The following SLC16A1 variants were observed in gnomAD, a reference collection of about 807,000 sequenced individuals.
SLC16A1 encodes solute carrier family 16 member 1.
SLC16A1 carries 11 observed loss-of-function variants against 32.2 expected under a neutral mutation model. That is an observed-to-expected ratio of 0.34 (90% CI 0.21 to 0.56). The LOEUF (loss-of-function observed/expected upper bound fraction) is 0.56. Among genes scored for constraint, SLC16A1 ranks in the 20% least tolerant of loss-of-function variants. SLC16A1 has a pLI of 0.87. For missense variants in SLC16A1, 435 were observed against 615.0 expected, an observed-to-expected ratio of 0.71 and a Z score of 3.10; for synonymous variants, 231 against 226.8, an observed-to-expected ratio of 1.02 and a Z score of -0.17.
At position 112,913,872 on chromosome 1, in the gene SLC16A1, A is replaced by AC; in HGVS notation, c.*18dup. On this transcript the variant is annotated 3_prime_UTR_variant, in exon 5 of 5. Transcript: ENST00000369626. ...TCCTGGGTCATGAACTGCTCAATTT[A>AC]CCCTTCAGCCCCATGGATTCAGACT... 6.2e-7 allele frequency: 1 copy of AC among 1,614,040 alleles called. No homozygotes were observed. The highest frequency in any genetic ancestry group is 8.5e-7 in the Non-Finnish European group (1 of 1,179,932).
chr1:112,926,326 C>T (rs906313776), intron 2 of SLC16A1, among the ~76,000 whole-genome samples: 1 of 152,220 alleles, frequency 6.6e-6, no homozygotes, highest in Non-Finnish European at 1.5e-5. Context: ...CGCAGTGGCT[C>T]ACGCCTGTAA....
At chr1:112,921,394 T>C (rs563878244) in intron 3 of SLC16A1, among the ~76,000 whole-genome samples, 1 of 152,290 alleles carries the variant, frequency 6.6e-6, no homozygotes, top group Admixed American at 6.5e-5. Flanking sequence ...AATATATTCA[T>C]GTTCACAAAA....
At chr1:112,949,605 G>C (rs953788366) in intron 1 of SLC16A1, among the ~76,000 whole-genome samples, 1 of 152,172 alleles carries the variant, frequency 6.6e-6, no homozygotes, top group African/African-American at 2.4e-5. Context: ...TTAGGAGCAG[G>C]GGTCCTTAGA....
In SLC16A1 at chr1:112,917,096, C is replaced by G. The variant is rs1441703827; in HGVS notation, c.1228+82G>C. The G allele has an allele frequency of 3.8e-6, 6 of 1,561,828 alleles. No homozygotes were observed. Among genetic ancestry groups the G allele is most frequent in the East Asian group, 4.5e-5 (2 of 44,580 alleles). On this transcript the variant is annotated intron_variant, in intron 4 of 4. Coordinates refer to ENST00000369626, the MANE Select transcript of SLC16A1 (RefSeq NM_003051.4). The surrounding 1 kb of genome is among the most constrained non-coding windows in gnomAD (Gnocchi z 4.1). Reference sequence around the variant, plus strand: ...GATTTATTCTTACCCAAATAGCTCACTAATGTTTGCTTTCTGTCAGCATTC... The same window carrying G: ...GATTTATTCTTACCCAAATAGCTCAGTAATGTTTGCTTTCTGTCAGCATTC...
chr1:112,940,852 T>C (rs575933002), intron 1 of SLC16A1, among the ~76,000 whole-genome samples: 1 of 152,332 alleles, frequency 6.6e-6, no homozygotes, highest in South Asian at 2.1e-4. Flanking sequence ...AAAATAATAA[T>C]TCACTTTCCT....
chr1:112,953,533 C>G (rs943202977), intron 1 of SLC16A1, among the ~76,000 whole-genome samples: 6 of 152,200 alleles, frequency 3.9e-5, no homozygotes, highest in African/African-American at 1.4e-4. Flanking sequence ...TCCTTTATCC[C>G]TTAAAAATCC....
chr1:112,923,320 A>G, intron 2 of SLC16A1: 1 of 434,676 alleles, frequency 2.3e-6, no homozygotes. Context: ...AAAACAAACA[A>G]ACAGCAATCC....
At chr1:112,935,753 T>C (rs1214643143) in intron 1 of SLC16A1, 1 of 152,076 alleles carries the variant, frequency 6.6e-6, no homozygotes, top group Non-Finnish European at 1.5e-5. Flanking sequence ...ACTTAGAAAA[T>C]ACAGATGACT....
At chr1:112,934,669 G>A (rs1394114371) in intron 1 of SLC16A1, among the ~76,000 whole-genome samples, 3 of 151,940 alleles carry the variant, frequency 2.0e-5, no homozygotes, top group Non-Finnish European at 4.4e-5. Flanking sequence ...TTATCTAGAC[G>A]GTTAAAAGAA....
chr1:112,936,074 T>C (rs1649293874), intron 1 of SLC16A1: 1 of 152,182 alleles, frequency 6.6e-6, no homozygotes, highest in African/African-American at 2.4e-5. Context: ...TTACAGGAAA[T>C]AGCTGGCCAG....
intron 2 of SLC16A1, among the ~76,000 whole-genome samples, chr1:112,926,995 T>G (rs548026331): frequency 6.6e-6 from 1 of 150,720 alleles, no homozygotes; most frequent in Non-Finnish European, 1.5e-5. Context: ...TAGCTGAGCA[T>G]AGTAGTAGGG....
chr1:112,924,290 C>A (rs1433170760), intron 2 of SLC16A1: 4 of 1,432,830 alleles, frequency 2.8e-6, no homozygotes. Flanking sequence ...TTGTGGAGGC[C>A]TTTAATCAAG....
At chr1:112,927,606 T>C (rs1471286221) in intron 2 of SLC16A1, among the ~76,000 whole-genome samples, 1 of 152,204 alleles carries the variant, frequency 6.6e-6, no homozygotes, top group African/African-American at 2.4e-5. Flanking sequence ...CTTTTAGTGT[T>C]ATTTCAGGAA....
intron 4 of SLC16A1, 132 bp from the exon 5 acceptor site, chr1:112,914,297 T>C (rs1648428419): frequency 2.2e-6 from 2 of 925,654 alleles, no homozygotes; most frequent in Non-Finnish European, 1.7e-6. Context: ...GATGAATTAG[T>C]ATAAGGAATT....
At chr1:112,919,936 TATTA>T (rs1445739167) in intron 3 of SLC16A1, among the ~76,000 whole-genome samples, 3 of 152,188 alleles carry the variant, frequency 2.0e-5, no homozygotes, top group Admixed American at 2.0e-4. Context: ...TTTTCTTATT[TATTA>T]ATTTATTTAT....
At chr1:112,953,657 T>A (rs545456756) in intron 1 of SLC16A1, among the ~76,000 whole-genome samples, 1 of 152,236 alleles carries the variant, frequency 6.6e-6, no homozygotes, top group Non-Finnish European at 1.5e-5. Flanking sequence ...GACTTTTTTA[T>A]GCTTTAGCTT....
At chr1:112,944,994 CTT>C (rs151186476) in intron 1 of SLC16A1, among the ~76,000 whole-genome samples, 121 of 123,232 alleles carry the variant, frequency 9.8e-4, no homozygotes, top group Middle Eastern at 4.7e-3. Flanking sequence ...CACCCAGCCT[CTT>C]TTTTTTTTTT....
At chr1:112,937,740 G>C (rs1397452459) in intron 1 of SLC16A1, among the ~76,000 whole-genome samples, 1 of 151,920 alleles carries the variant, frequency 6.6e-6, no homozygotes, top group Non-Finnish European at 1.5e-5. Context: ...TAAAGTTTAA[G>C]ATTTTAATCC....
intron 1 of SLC16A1, among the ~76,000 whole-genome samples, chr1:112,935,232 T>C (rs1423401877): frequency 6.6e-6 from 1 of 151,980 alleles, no homozygotes. Flanking sequence ...CTGGCCAACA[T>C]GGTGAAACCC....
Sources: allele counts gnomAD v4.1 joint callset (sites outside exome capture counted in the v4.1 genomes callset), GRCh38; gene constraint gnomAD v4.1.1; non-coding constraint Gnocchi (gnomAD v3.1); transcripts MANE v1.5; gene names NCBI Gene and HGNC (gene_info 2026-07-23, HGNC 2026-07-21).